DGKG: variants seen among roughly 807,000 people sequenced by gnomAD.
DGKG encodes diacylglycerol kinase gamma.
Under a neutral mutation model 105.3 loss-of-function variants are expected in DGKG, and 78 were observed. The ratio of observed to expected loss-of-function variants is 0.74; its 90% CI spans 0.62 to 0.89. The LOEUF (loss-of-function observed/expected upper bound fraction) is 0.89, where lower values mean the gene tolerates loss of function less well. Among genes scored for constraint, DGKG ranks in the 40% least tolerant of loss-of-function variants. DGKG has a pLI of 0.00. For synonymous variants in DGKG, 346 were observed against 367.1 expected (o/e 0.94, Z 0.66); for missense variants, 958 against 1,020.1 (o/e 0.94, Z 0.83).
chr3:186,152,305 T>G (rs979188160), intron 24 of DGKG, among the ~76,000 whole-genome samples: 1 of 152,102 alleles, frequency 6.6e-6, no homozygotes, highest in Non-Finnish European at 1.5e-5. Flanking sequence ...TGTGTCTTAT[T>G]GTGGGCATTA....
intron 7 of DGKG, among the ~76,000 whole-genome samples, chr3:186,282,799 A>G (rs1432805329): frequency 1.3e-5 from 2 of 152,134 alleles, no homozygotes; most frequent in Non-Finnish European, 2.9e-5. Context: ...TATAGGCTTG[A>G]ACTACTGCAC....
At chr3:186,153,337 C>G (rs182463074) in intron 24 of DGKG, among the ~76,000 whole-genome samples, 3 of 152,280 alleles carry the variant, frequency 2.0e-5, no homozygotes, top group Admixed American at 2.0e-4. Context: ...CCTGCCTTTT[C>G]AAACCCTGAT....
At chr3:186,295,528 G>A (rs151330525) in intron 5 of DGKG, among the ~76,000 whole-genome samples, 220 of 120,650 alleles carry the variant, frequency 1.8e-3, no homozygotes, top group Non-Finnish European at 2.8e-3. Context: ...AATAATAATA[G>A]TAATAATAAT....
At chr3:186,183,821 C>T (rs1717483336) in intron 22 of DGKG, among the ~76,000 whole-genome samples, 1 of 152,144 alleles carries the variant, frequency 6.6e-6, no homozygotes, top group Non-Finnish European at 1.5e-5. Flanking sequence ...TGTCCTGCCT[C>T]AGCCTCCTGA....
intron 21 of DGKG, among the ~76,000 whole-genome samples, chr3:186,189,871 G>A (rs1717822427): frequency 6.6e-6 from 1 of 151,982 alleles, no homozygotes; most frequent in African/African-American, 2.4e-5. Context: ...TCCACCAGTT[G>A]GTCCTGTTCT....
intron 7 of DGKG, among the ~76,000 whole-genome samples, chr3:186,282,027 A>G (rs1722851331): frequency 6.6e-6 from 1 of 152,158 alleles, no homozygotes; most frequent in Non-Finnish European, 1.5e-5. Context: ...GGAATAGAGA[A>G]ATTTTAGCTT....
chr3:186,260,905 G>C (rs568061067), intron 15 of DGKG, among the ~76,000 whole-genome samples: 1 of 152,332 alleles, frequency 6.6e-6, no homozygotes, highest in Admixed American at 6.5e-5. Flanking sequence ...CTGTACAAAA[G>C]CATCACAGGA....
Position 186,320,718 on chromosome 3 carries a change from G to A in DGKG, c.-248-11C>T. ...AAGTCCTGGCTCTTCCTAGATAGAA[G>A]CAGAAAAGACATTGTAAATGAGAAT... On this transcript the variant is annotated splice_polypyrimidine_tract_variant and intron_variant, in intron 1 of 24. Coordinates refer to ENST00000265022, the MANE Select transcript of DGKG (RefSeq NM_001346.3). 1 of 416,306 alleles carries A rather than the reference G, an allele frequency of 2.4e-6. No individual in the cohort carries two copies. Among genetic ancestry groups the A allele is most frequent in the African/African-American group, 2.0e-5 (1 of 49,318 alleles). 25.8% of individuals were successfully genotyped at this position (416,306 alleles called of 1,614,324 possible). A position where few individuals can be genotyped will look rare whatever the true frequency, so the allele number is the denominator to read the frequency against.
At chr3:186,288,568 C>T (rs975069181) in intron 6 of DGKG, 142 bp downstream of exon 6, 8 of 822,482 alleles carry the variant, frequency 9.7e-6, no homozygotes, top group Non-Finnish European at 1.5e-5. Context: ...CTTTTGGTAA[C>T]AGGACAAAGA....
At position 186,164,894 on chromosome 3, in the gene DGKG, A is replaced by G. The variant is rs771347460; in HGVS notation, c.2216+4T>C. 4.3e-6 allele frequency: 7 copies of G among 1,610,974 alleles called. No individual in the cohort carries two copies. In the East Asian group the frequency reaches 6.7e-5, roughly 15 times the overall value. ...AGAGGCTGTTGGGTGACAAAGAGGC[A>G]TACCTGATGGTGACAGAGGCGCACT... On this transcript the variant is annotated splice_donor_region_variant and intron_variant, in intron 23 of 24. Transcript: ENST00000265022.
intron 22 of DGKG, among the ~76,000 whole-genome samples, chr3:186,172,908 G>T (rs1481852799): frequency 6.6e-6 from 1 of 152,228 alleles, no homozygotes; most frequent in African/African-American, 2.4e-5. Context: ...CAGGCTGGGG[G>T]CCTTAAACAA....
intron 20 of DGKG, among the ~76,000 whole-genome samples, chr3:186,221,427 AGAAAATCCCCTTCAGGCT>A (rs1254026167): frequency 6.6e-6 from 1 of 152,236 alleles, no homozygotes; most frequent in African/African-American, 2.4e-5. Context: ...ATTCGTGGAA[AGAAAATCCCCTTCAGGCT>A]GATTTGGCGG....
chr3:186,280,772 C>T, intron 7 of DGKG, 28 bp from the exon 8 acceptor site: 1 of 1,584,558 alleles, frequency 6.3e-7, no homozygotes, highest in Non-Finnish European at 8.7e-7. Flanking sequence ...GAGAAAATAT[C>T]AAAAGGAGAC....
chr3:186,179,552 A>G (rs1717258218), intron 22 of DGKG, among the ~76,000 whole-genome samples: 1 of 152,210 alleles, frequency 6.6e-6, no homozygotes, highest in South Asian at 2.1e-4. Flanking sequence ...TCATATCTAC[A>G]TTCCTAGGCA....
chr3:186,233,699 A>G (rs9848721), intron 20 of DGKG, among the ~76,000 whole-genome samples: 4,640 of 152,208 alleles, frequency 0.03, 245 homozygotes, highest in African/African-American at 0.11. Context: ...CAGCCAGGAT[A>G]GTCTCGATCT....
rs6765517 is a variant in DGKG at position 186,325,598 on chromosome 3, T to C, written c.-248-4891A>G. On this transcript the variant is annotated intron_variant, in intron 1 of 24. Coordinates refer to ENST00000265022, the MANE Select transcript of DGKG (RefSeq NM_001346.3). ...CAATGATACTGATTTTCTAATTCCA[T>C]CATTCCCTTTATATTTGTTAGTTAG... Among the ~76,000 whole-genome samples the C allele has an allele frequency of 8.9e-3, 1,360 of 152,262 alleles. 18 individuals carry two copies. Among genetic ancestry groups the C allele is most frequent in the African/African-American group, 0.031 (1,289 of 41,558 alleles).
chr3:186,264,148 G>A (rs572065710), intron 14 of DGKG, among the ~76,000 whole-genome samples: 4 of 152,314 alleles, frequency 2.6e-5, no homozygotes, highest in South Asian at 4.1e-4. Context: ...TACATGTATC[G>A]GGTGTGGATA....
intron 22 of DGKG, among the ~76,000 whole-genome samples, chr3:186,182,024 CA>C (rs1717382212): frequency 6.6e-6 from 1 of 152,248 alleles, no homozygotes; most frequent in Admixed American, 6.5e-5. Flanking sequence ...TCCTCAACCC[CA>C]GGGGGACCGA....
chr3:186,288,458 C>T (rs1013646372), intron 6 of DGKG, among the ~76,000 whole-genome samples: 2 of 152,188 alleles, frequency 1.3e-5, no homozygotes, highest in African/African-American at 4.8e-5. Context: ...CCTTCCCTTT[C>T]CAGATTCTGG....
Sources: gnomAD v4.1 joint callset for allele counts (sites outside exome capture counted in the v4.1 genomes callset) on GRCh38, gnomAD v4.1.1 for gene constraint, MANE v1.5 for transcripts, NCBI Gene and HGNC (gene_info 2026-07-23, HGNC 2026-07-21) for gene names.